Variants in ANKRD17 observed in about 807,000 individuals in gnomAD.
The protein encoded by ANKRD17 is ankyrin repeat domain-containing protein 17.
In ANKRD17, 19 loss-of-function variants were observed where a neutral mutation model predicts 229.7. The ratio of observed to expected loss-of-function variants is 0.08; its 90% CI spans 0.06 to 0.12. The LOEUF is 0.12. Among genes scored for constraint, ANKRD17 ranks in the 10% least tolerant of loss-of-function variants. The pLI is 1.00. For synonymous variants in ANKRD17, 1,112 were observed against 1,146.1 expected (o/e 0.97, Z 0.60); for missense variants, 2,176 against 3,176.8 (o/e 0.68, Z 7.57).
chr4:73,161,069 T>G, intron 3 of ANKRD17, 123 bp downstream of exon 3: 1 of 1,209,058 alleles, frequency 8.3e-7, no homozygotes, highest in Non-Finnish European at 1.1e-6. Context: ...AAATAAGACA[T>G]CACATGTTAA....
intron 1 of ANKRD17, among the ~76,000 whole-genome samples, chr4:73,229,639 CTA>C (rs571222882): frequency 5.4e-5 from 8 of 148,336 alleles, no homozygotes; most frequent in Admixed American, 6.7e-5. Context: ...AATGCAGAGT[CTA>C]TATATATATA....
At position 73,135,281 on chromosome 4, in the gene ANKRD17, A is replaced by G. The variant is rs770209293; in HGVS notation, c.3086-16T>C. On this transcript the variant is annotated splice_polypyrimidine_tract_variant and intron_variant, in intron 15 of 33. Coordinates refer to ENST00000358602, the MANE Select transcript of ANKRD17 (RefSeq NM_032217.5). ...CCACTGACTGCTGTTGAACAAAATA[A>G]CTGCACTTAATAAGGATGAAACATT... 1 of 1,602,538 alleles carries G rather than the reference A, an allele frequency of 6.2e-7. No individual in the cohort carries two copies. Among genetic ancestry groups the G allele is most frequent in the Non-Finnish European group, 8.5e-7 (1 of 1,173,426 alleles).
intron 2 of ANKRD17, among the ~76,000 whole-genome samples, chr4:73,162,176 GT>G (rs1732622476): frequency 6.6e-6 from 1 of 151,820 alleles, no homozygotes; most frequent in South Asian, 2.1e-4. Context: ...AGGCTCCCAA[GT>G]AGCTGGGACT....
At position 73,156,154 on chromosome 4, in the gene ANKRD17, T is replaced by C; in HGVS notation, c.717A>G (p.Ala239=). Residue 239 remains alanine (A), a synonymous_variant, in exon 4 of 34, where the codon GCA becomes GCG. Coordinates refer to ENST00000358602, the MANE Select transcript of ANKRD17 (RefSeq NM_032217.5). ...NAGQSDNRSL[A]EACSEGDVNA... is the part of the protein sequence containing the mutation. ...TTACATCTCCTTCTGAACAGGCTTC[T>C]GCCAAACTGCGGCTATTACGGAAAG... The C allele has an allele frequency of 6.3e-7, 1 of 1,594,080 alleles. No homozygotes were observed. The highest frequency in any genetic ancestry group is 8.5e-7 in the Non-Finnish European group (1 of 1,174,954).
chr4:73,164,696 GC>G (rs775784863), intron 2 of ANKRD17, among the ~76,000 whole-genome samples: 9 of 152,092 alleles, frequency 5.9e-5, no homozygotes, highest in Non-Finnish European at 1.2e-4. Context: ...GGAGGCTGAG[GC>G]AGGAGAATCA....
intron 30 of ANKRD17, among the ~76,000 whole-genome samples, chr4:73,084,609 T>C (rs1372981653): frequency 6.6e-6 from 1 of 151,928 alleles, no homozygotes; most frequent in Non-Finnish European, 1.5e-5. Context: ...CCACAACGCC[T>C]GGCTAATTTT....
In ANKRD17 at chr4:73,250,589, C is replaced by CAAAAAAA. The variant is rs35160047; in HGVS notation, c.393+7680_393+7686dup. ...CACTCCAGCATAGATGACCTTGTCTCAAAAAAAAAAAAAAAAAAAAAAAAA... is the reference window on the plus strand; with the variant it reads ...CACTCCAGCATAGATGACCTTGTCTCAAAAAAAAAAAAAAAAAAAAAAAAAAAAAAAA... On this transcript the variant is annotated intron_variant, in intron 1 of 33. Coordinates refer to ENST00000358602, the MANE Select transcript of ANKRD17 (RefSeq NM_032217.5). Among the ~76,000 whole-genome samples the CAAAAAAA allele has an allele frequency of 5.7e-3, 168 of 29,394 alleles. 23 individuals are homozygous for CAAAAAAA. The highest frequency in any genetic ancestry group is 5.9e-3 in the African/African-American group (35 of 5,940). 19.3% of individuals were successfully genotyped at this position (29,394 alleles called of 152,430 possible).
chr4:73,244,506 GA>G (rs1206136905), intron 1 of ANKRD17, among the ~76,000 whole-genome samples: 1 of 152,156 alleles, frequency 6.6e-6, no homozygotes, highest in East Asian at 1.9e-4. Flanking sequence ...CACATTTCAA[GA>G]GCTCAGCAGC....
chr4:73,231,393 G>A (rs1743029129), intron 1 of ANKRD17, among the ~76,000 whole-genome samples: 2 of 152,054 alleles, frequency 1.3e-5, no homozygotes, highest in Admixed American at 1.3e-4. Context: ...AATGGTCTGG[G>A]GTCCCTGACA....
chr4:73,119,219 T>C (rs1384322621), intron 21 of ANKRD17, among the ~76,000 whole-genome samples: 1 of 152,138 alleles, frequency 6.6e-6, no homozygotes, highest in Non-Finnish European at 1.5e-5. Flanking sequence ...AATGACACAG[T>C]AACAAAAATC....
chr4:73,081,234 T>C (rs1445402475), intron 30 of ANKRD17, among the ~76,000 whole-genome samples: 1 of 152,212 alleles, frequency 6.6e-6, no homozygotes, highest in African/African-American at 2.4e-5. Flanking sequence ...GTTTAATTAA[T>C]TATGAAGTTG....
At chr4:73,175,211 A>AAG (rs1487731246) in intron 2 of ANKRD17, among the ~76,000 whole-genome samples, 1 of 152,200 alleles carries the variant, frequency 6.6e-6, no homozygotes, top group African/African-American at 2.4e-5. Context: ...GGTGAAGAGG[A>AAG]ATCAAGGACC....
At chr4:73,121,467 A>G in intron 19 of ANKRD17, 150 bp downstream of exon 19, 1 of 886,698 alleles carries the variant, frequency 1.1e-6, no homozygotes, top group Non-Finnish European at 1.8e-6. Flanking sequence ...AATTACTTAA[A>G]TAAAGTTCAT....
At chr4:73,132,168 T>C (rs1411070476) in intron 16 of ANKRD17, among the ~76,000 whole-genome samples, 1 of 151,626 alleles carries the variant, frequency 6.6e-6, no homozygotes, top group African/African-American at 2.4e-5. Flanking sequence ...TGCAGTGGTA[T>C]GATCTTGGCT....
chr4:73,076,157 A>T lies in ANKRD17; in HGVS notation c.*74T>A. 7.3e-7 allele frequency: 1 copy of T among 1,374,702 alleles called. No homozygotes were observed. The highest frequency in any genetic ancestry group is 1.0e-6 in the Non-Finnish European group (1 of 993,942). 85.2% of individuals were successfully genotyped at this position (1,374,702 alleles called of 1,614,324 possible). ...CACATCAGTAGAATGATTTGGGAGC[A>T]TAATTTTTTTTTTCGGCCACTTGTG... On this transcript the variant is annotated 3_prime_UTR_variant, in exon 34 of 34. Transcript: ENST00000358602.
At chr4:73,246,507 G>T (rs1295012642) in intron 1 of ANKRD17, among the ~76,000 whole-genome samples, 1 of 152,102 alleles carries the variant, frequency 6.6e-6, no homozygotes, top group African/African-American at 2.4e-5. Flanking sequence ...TTGGAAGAAA[G>T]GTTTGCACAA....
intron 24 of ANKRD17, chr4:73,112,791 T>TAAATAAAA: frequency 1.4e-6 from 1 of 731,300 alleles, no homozygotes; most frequent in Non-Finnish European, 1.7e-6. Context: ...TTTAAAAAAA[T>TAAATAAAA]TTTATTTATT....
chr4:73,086,622 T>A (rs1278366231), intron 29 of ANKRD17, among the ~76,000 whole-genome samples: 1 of 151,536 alleles, frequency 6.6e-6, no homozygotes, highest in Non-Finnish European at 1.5e-5. Context: ...CAGCTTTCTC[T>A]GTTGCTCAGG....
rs557940062 is a variant in ANKRD17, at chr4:73,121,854, T to A, written c.3493-95A>T. 2.6e-4 allele frequency: 325 copies of A among 1,251,398 alleles called. 4 individuals carry two copies. The South Asian group carries it at 5.6e-3, about 21-fold the overall frequency. 77.5% of individuals were successfully genotyped at this position (1,251,398 alleles called of 1,614,324 possible). A position where few individuals can be genotyped will look rare whatever the true frequency, so the allele number is the denominator to read the frequency against. On this transcript the variant is annotated intron_variant, in intron 18 of 33. Transcript: ENST00000358602. ...TTTCTTTTTCTGGTATACTGTACAA[T>A]AAAAGAAGGGGAAAGTTCTTCCTTC... is the stretch of plus-strand genomic sequence containing the variant.
Sources: allele counts gnomAD v4.1 joint callset (sites outside exome capture counted in the v4.1 genomes callset), GRCh38; gene constraint gnomAD v4.1.1; transcripts MANE v1.5; gene names NCBI Gene and HGNC (gene_info 2026-07-23, HGNC 2026-07-21).